ATP2C1: variants seen among roughly 807,000 people sequenced by gnomAD.
ATP2C1 encodes calcium-transporting ATPase type 2C member 1.
Under a neutral mutation model 120.5 loss-of-function variants are expected in ATP2C1, and 31 were observed. The ratio of observed to expected loss-of-function variants is 0.26; its 90% CI spans 0.19 to 0.35. The LOEUF is 0.35. ATP2C1 is among the 10% of genes least tolerant of loss of function. The probability of loss-of-function intolerance (pLI) is 1.00; values close to 1 mark genes in which losing one functional copy is unlikely to be tolerated. For missense variants in ATP2C1, 731 were observed against 1,107.5 expected (o/e 0.66, Z 4.83); for synonymous variants, 351 against 358.7 (o/e 0.98, Z 0.24).
chr3:130,938,649 C>T (rs1330153897), intron 6 of ATP2C1, among the ~76,000 whole-genome samples: 1 of 152,188 alleles, frequency 6.6e-6, no homozygotes, highest in Non-Finnish European at 1.5e-5. Context: ...TGCCCATGGT[C>T]AGGTGGAGCT....
At chr3:130,973,069 T>TAAG (rs10676815) in intron 17 of ATP2C1, among the ~76,000 whole-genome samples, 75,995 of 151,696 alleles carry the variant, frequency 0.5, 21,867 homozygotes, top group Non-Finnish European at 0.65. Context: ...GTATAAAAGG[T>TAAG]AAAAATCAAA....
At chr3:131,011,672 C>T (rs2063321591) in intron 26 of ATP2C1, among the ~76,000 whole-genome samples, 1 of 152,206 alleles carries the variant, frequency 6.6e-6, no homozygotes, top group African/African-American at 2.4e-5. Context: ...ATCCTGGTGA[C>T]CGCTGTTTCC....
At chr3:130,870,688 CAG>C (rs1407755795) in intron 1 of ATP2C1, among the ~76,000 whole-genome samples, 1 of 152,150 alleles carries the variant, frequency 6.6e-6, no homozygotes, top group Admixed American at 6.6e-5. Flanking sequence ...TAAGAAAACA[CAG>C]AAAATGTTTT....
chr3:130,954,100 C>T (rs1218437376), intron 9 of ATP2C1, 124 bp downstream of exon 9: 12 of 997,478 alleles, frequency 1.2e-5, no homozygotes, highest in Non-Finnish European at 1.5e-5. Context: ...TGAACTTAAC[C>T]CATTACATCT....
intron 20 of ATP2C1, among the ~76,000 whole-genome samples, chr3:130,988,048 C>G (rs2062108199): frequency 1.3e-5 from 2 of 152,290 alleles, no homozygotes; most frequent in South Asian, 4.1e-4. Context: ...ATTTATATTT[C>G]TACTGAATCT....
chr3:130,863,573 A>G (rs561153422), intron 1 of ATP2C1, among the ~76,000 whole-genome samples: 1 of 152,294 alleles, frequency 6.6e-6, no homozygotes, highest in Admixed American at 6.5e-5. Context: ...CTCATGTGTT[A>G]TTTGCAATTA....
At chr3:130,857,935 G>C (rs983063786) in intron 1 of ATP2C1, among the ~76,000 whole-genome samples, 21 of 152,152 alleles carry the variant, frequency 1.4e-4, no homozygotes, top group African/African-American at 5.1e-4. Flanking sequence ...AGCTGACTGT[G>C]CAGCCTTCAG....
At chr3:130,855,809 C>G (rs1490317756) in intron 1 of ATP2C1, 1 of 152,074 alleles carries the variant, frequency 6.6e-6, no homozygotes, top group Non-Finnish European at 1.5e-5. Context: ...TCTTTTTTGC[C>G]TTGTCCCTCA....
intron 8 of ATP2C1, among the ~76,000 whole-genome samples, chr3:130,950,623 A>G (rs1559964242): frequency 1.3e-5 from 2 of 152,182 alleles, no homozygotes; most frequent in Non-Finnish European, 2.9e-5. Context: ...TATTCAACAG[A>G]TAGTTGAAAT....
intron 20 of ATP2C1, among the ~76,000 whole-genome samples, chr3:130,989,692 C>T (rs191112856): frequency 3.3e-5 from 5 of 151,936 alleles, no homozygotes; most frequent in South Asian, 4.1e-4. Flanking sequence ...TCTGTTGCTT[C>T]GTTCTTTTGT....
chr3:130,986,088 A>G (rs2061997088), intron 20 of ATP2C1, among the ~76,000 whole-genome samples: 1 of 151,156 alleles, frequency 6.6e-6, no homozygotes, highest in Non-Finnish European at 1.5e-5. Context: ...GGGATCATAG[A>G]TGACTGTTGG....
In ATP2C1 at chr3:130,979,256, T is replaced by A; in HGVS notation, c.1578T>A (p.Ala526=). ...RMGSAGLRVL[A]LASGPELGQL... ...ATTTTATTATTTCCTAAGTTCTTGC[T>A]TTGGCTTCTGGTCCTGAACTGGGAC... is the stretch of plus-strand genomic sequence containing the variant. The change falls in exon 19 of 28, where the codon GCT becomes GCA. Residue 526 remains alanine (A), a synonymous_variant. Transcript: ENST00000510168. 2 of 1,613,728 alleles carry A rather than the reference T, an allele frequency of 1.2e-6. No individual in the cohort carries two copies. Among genetic ancestry groups the A allele is most frequent in the Non-Finnish European group, 1.7e-6 (2 of 1,179,706 alleles).
intron 2 of ATP2C1, among the ~76,000 whole-genome samples, chr3:130,908,520 G>A (rs1559908055): frequency 6.6e-6 from 1 of 151,640 alleles, no homozygotes; most frequent in East Asian, 1.9e-4. Flanking sequence ...ATAGAAAATG[G>A]CTGGCAGTAT....
At chr3:130,863,161 T>C (rs1340035245) in intron 1 of ATP2C1, among the ~76,000 whole-genome samples, 1 of 152,118 alleles carries the variant, frequency 6.6e-6, no homozygotes, top group African/African-American at 2.4e-5. Flanking sequence ...AATGATGTTA[T>C]ATGAGATCCT....
At chr3:130,936,736 G>T (rs2108404012) in intron 5 of ATP2C1, among the ~76,000 whole-genome samples, 1 of 142,488 alleles carries the variant, frequency 7.0e-6, no homozygotes, top group South Asian at 2.3e-4. Context: ...AGAATGGCGT[G>T]AACCCCGGAG....
intron 8 of ATP2C1, among the ~76,000 whole-genome samples, chr3:130,948,917 G>A (rs1179059456): frequency 1.4e-4 from 22 of 152,100 alleles, no homozygotes; most frequent in Non-Finnish European, 1.5e-5. Flanking sequence ...CATCATTAAC[G>A]ATGTTCATGT....
intron 1 of ATP2C1, among the ~76,000 whole-genome samples, chr3:130,889,070 C>T (rs530597253): frequency 1.3e-5 from 2 of 152,292 alleles, no homozygotes; most frequent in South Asian, 4.1e-4. Context: ...GGAGCCTATC[C>T]AGCGGCTCAG....
chr3:130,885,222 C>G (rs1046400677), intron 1 of ATP2C1, among the ~76,000 whole-genome samples: 1 of 152,060 alleles, frequency 6.6e-6, no homozygotes, highest in Non-Finnish European at 1.5e-5. Context: ...GCAGGAGCCA[C>G]CACGCACAGC....
intron 1 of ATP2C1, among the ~76,000 whole-genome samples, chr3:130,879,065 T>C (rs943331519): frequency 1.3e-5 from 2 of 152,134 alleles, no homozygotes; most frequent in Non-Finnish European, 2.9e-5. Flanking sequence ...TTTTAATATA[T>C]ATATATTTTT....
Sources: allele counts gnomAD v4.1 joint callset (sites outside exome capture counted in the v4.1 genomes callset), GRCh38; gene constraint gnomAD v4.1.1; transcripts MANE v1.5; gene names NCBI Gene and HGNC (gene_info 2026-07-23, HGNC 2026-07-21).